WSCD2: variants seen among roughly 807,000 people sequenced by gnomAD.
WSCD2 encodes the protein WSC domain sialate O sulfotransferase 2.
Under a neutral mutation model 55.7 loss-of-function variants are expected in WSCD2, and 28 were observed. The ratio of observed to expected loss-of-function variants is 0.50; its 90% CI spans 0.37 to 0.69. The LOEUF (loss-of-function observed/expected upper bound fraction) is 0.69. Among genes scored for constraint, WSCD2 ranks in the 30% least tolerant of loss-of-function variants. The probability of loss-of-function intolerance (pLI) is 0.00; values close to 1 mark genes in which losing one functional copy is unlikely to be tolerated. For synonymous variants in WSCD2, 301 were observed against 301.9 expected, an observed-to-expected ratio of 1.00 and a Z score of 0.03; for missense variants, 616 against 762.1, an observed-to-expected ratio of 0.81 and a Z score of 2.26.
Position 108,175,449 on chromosome 12 carries a change from T to C in WSCD2, c.-551-19833T>C, listed in dbSNP as rs547923894. On this transcript the variant is annotated intron_variant, in intron 1 of 8. Transcript: ENST00000547525. ...CTGCTTCCAGCCAGATAATCAGGCC[T>C]CCCCTCGGTTTAATAGGATCCAGGC... Among the ~76,000 whole-genome samples the C allele has an allele frequency of 2.5e-4, 38 of 152,304 alleles. 4 individuals are homozygous for C. The East Asian group carries it at 6.9e-3, about 28-fold the overall frequency.
In WSCD2 at chr12:108,129,597, C is replaced by G. The variant is rs1007217146; in HGVS notation, c.-881C>G. ...CTCTCGCTTCCGCCCGCCTCCCTGG[C>G]TCGCCGGCTGGCGTCGCCACCGCCT... is the stretch of plus-strand genomic sequence containing the variant. On this transcript the variant is annotated 5_prime_UTR_variant, in exon 1 of 9. Coordinates refer to ENST00000547525, the MANE Select transcript of WSCD2 (RefSeq NM_014653.4). The G allele has an allele frequency of 3.9e-5, 6 of 152,444 alleles. No homozygotes were observed. Among genetic ancestry groups the G allele is most frequent in the Non-Finnish European group, 8.8e-5 (6 of 68,264 alleles). The allele number at this position is 152,444 out of a possible 1,614,324, so 9.4% of individuals were successfully genotyped here.
intron 6 of WSCD2, 118 bp downstream of exon 6, chr12:108,227,282 G>C (rs1888211604): frequency 8.0e-7 from 1 of 1,255,734 alleles, no homozygotes; most frequent in Non-Finnish European, 1.1e-6. Context: ...ATGCAAGCCA[G>C]AGGGCAGGGC....
At chr12:108,184,548 G>A (rs1882215346) in intron 1 of WSCD2, among the ~76,000 whole-genome samples, 1 of 152,166 alleles carries the variant, frequency 6.6e-6, no homozygotes, top group African/African-American at 2.4e-5. Flanking sequence ...CTGCCAGGGA[G>A]CAGCGTGTGC....
intron 1 of WSCD2, among the ~76,000 whole-genome samples, chr12:108,145,354 G>A (rs1033323284): frequency 6.6e-6 from 1 of 152,210 alleles, no homozygotes; most frequent in African/African-American, 2.4e-5. Context: ...TTACAGCGTT[G>A]TGTGTTGATC....
At chr12:108,164,081 G>A (rs1286398436) in intron 1 of WSCD2, among the ~76,000 whole-genome samples, 2 of 139,396 alleles carry the variant, frequency 1.4e-5, no homozygotes, top group Non-Finnish European at 3.0e-5. Context: ...AGAGTGGTTG[G>A]CATTACCACT....
chr12:108,157,042 G>A (rs1170832148), intron 1 of WSCD2, among the ~76,000 whole-genome samples: 1 of 152,108 alleles, frequency 6.6e-6, no homozygotes, highest in Non-Finnish European at 1.5e-5. Flanking sequence ...CACCCCATAA[G>A]CTCACCAATG....
At chr12:108,228,489 C>T (rs1888380936) in intron 6 of WSCD2, among the ~76,000 whole-genome samples, 1 of 152,238 alleles carries the variant, frequency 6.6e-6, no homozygotes, top group Non-Finnish European at 1.5e-5. Flanking sequence ...GCTCCAGTGA[C>T]ACTCCCCACA....
At chr12:108,214,997 AG>A (rs1217211728) in intron 4 of WSCD2, among the ~76,000 whole-genome samples, 1 of 152,212 alleles carries the variant, frequency 6.6e-6, no homozygotes, top group Non-Finnish European at 1.5e-5. Flanking sequence ...TCAGATGATT[AG>A]GGGACAGTCA....
intron 1 of WSCD2, among the ~76,000 whole-genome samples, chr12:108,145,657 A>G (rs1792321995): frequency 6.6e-6 from 1 of 152,240 alleles, no homozygotes; most frequent in East Asian, 1.9e-4. Context: ...CTCAACAGAA[A>G]TCGGTATACA....
intron 1 of WSCD2, among the ~76,000 whole-genome samples, chr12:108,151,636 T>C (rs1319516429): frequency 6.6e-6 from 1 of 152,168 alleles, no homozygotes; most frequent in Non-Finnish European, 1.5e-5. Flanking sequence ...AATCTAGGCC[T>C]AACTCTGCCA....
chr12:108,239,123 T>G lies in WSCD2; in HGVS notation c.1145-1221T>G, dbSNP rs546016433. ...CAGTCTTTCTGGTCTAGTGCTGGCC[T>G]CTTCATCACAGACCCCACAAACCTC... On this transcript the variant is annotated intron_variant, in intron 7 of 8. Coordinates refer to ENST00000547525, the MANE Select transcript of WSCD2 (RefSeq NM_014653.4). 5.9e-5 allele frequency among the ~76,000 whole-genome samples: 9 copies of G among 152,298 alleles called. No homozygotes were observed. In the East Asian group the frequency reaches 1.7e-3, roughly 29 times the overall value.
chr12:108,141,078 A>G (rs1876752382), intron 1 of WSCD2, among the ~76,000 whole-genome samples: 1 of 151,968 alleles, frequency 6.6e-6, no homozygotes. Flanking sequence ...TTTTTTAGAG[A>G]TGGAGTCTGT....
At chr12:108,174,484 A>G (rs912156886) in intron 1 of WSCD2, among the ~76,000 whole-genome samples, 2 of 152,162 alleles carry the variant, frequency 1.3e-5, no homozygotes, top group African/African-American at 4.8e-5. Flanking sequence ...ATGAGTCCCC[A>G]CATGGTAGCC....
chr12:108,224,960 G>A, intron 5 of WSCD2, 100 bp downstream of exon 5: 2 of 1,500,616 alleles, frequency 1.3e-6, no homozygotes, highest in South Asian at 1.3e-5. Context: ...GCTCAGTCGG[G>A]ATAGATGTAG....
intron 1 of WSCD2, among the ~76,000 whole-genome samples, chr12:108,185,321 G>A (rs1053030647): frequency 3.9e-5 from 6 of 152,304 alleles, no homozygotes; most frequent in Non-Finnish European, 8.8e-5. Flanking sequence ...ACAGTCCTGA[G>A]CAGAAACTCT....
intron 1 of WSCD2, among the ~76,000 whole-genome samples, chr12:108,173,959 G>A (rs1592931425): frequency 6.6e-6 from 1 of 152,010 alleles, no homozygotes; most frequent in East Asian, 1.9e-4. Flanking sequence ...AAAGCCTGCT[G>A]TGCATTCATC....
At chr12:108,134,703 AC>A (rs1875990407) in intron 1 of WSCD2, among the ~76,000 whole-genome samples, 1 of 152,108 alleles carries the variant, frequency 6.6e-6, no homozygotes, top group Non-Finnish European at 1.5e-5. Context: ...CATAATGAAC[AC>A]CTGTACTTTT....
chr12:108,174,613 A>T (rs779005176), intron 1 of WSCD2, among the ~76,000 whole-genome samples: 1 of 152,118 alleles, frequency 6.6e-6, no homozygotes, highest in Non-Finnish European at 1.5e-5. Flanking sequence ...CCTAATTTTT[A>T]AATTATTTTT....
chr12:108,214,776 T>C (rs913438548), intron 4 of WSCD2, among the ~76,000 whole-genome samples: 11 of 152,242 alleles, frequency 7.2e-5, no homozygotes, highest in Non-Finnish European at 1.3e-4. Context: ...TGTTTTTTCC[T>C]TCCTAGTTTA....
Sources: gnomAD v4.1 joint callset for allele counts (sites outside exome capture counted in the v4.1 genomes callset) on GRCh38, gnomAD v4.1.1 for gene constraint, MANE v1.5 for transcripts, NCBI Gene and HGNC (gene_info 2026-07-23, HGNC 2026-07-21) for gene names.